The following PLA2R1 variants were observed in gnomAD, a reference collection of about 807,000 sequenced individuals.
PLA2R1 encodes secretory phospholipase A2 receptor.
A neutral mutation model predicts 195.9 loss-of-function variants in PLA2R1; 158 were observed. That is an observed-to-expected ratio of 0.81 (90% CI 0.71 to 0.92). The LOEUF (loss-of-function observed/expected upper bound fraction) is 0.92, where lower values mean the gene tolerates loss of function less well. Ranked by LOEUF, PLA2R1 falls within the 40% of genes least tolerant of loss-of-function variation. PLA2R1 has a pLI of 0.00. For synonymous variants in PLA2R1, 586 were observed against 598.2 expected (o/e 0.98, Z 0.30); for missense variants, 1,626 against 1,764.6 (o/e 0.92, Z 1.41).
At chr2:159,999,110 C>T (rs1691421618) in intron 11 of PLA2R1, among the ~76,000 whole-genome samples, 2 of 152,206 alleles carry the variant, frequency 1.3e-5, no homozygotes, top group East Asian at 1.9e-4. Context: ...TGCCTTTCCA[C>T]CATGTGAGGG....
the PLA2R1 span, among the ~76,000 whole-genome samples, chr2:159,926,652 T>C: frequency 6.6e-6 from 1 of 152,194 alleles, no homozygotes; most frequent in Admixed American, 6.5e-5. Context: ...GTAGGGGCTC[T>C]CCAGGAAATG....
chr2:160,044,747 C>A lies in PLA2R1; in HGVS notation c.493+27G>T, dbSNP rs111778800. On this transcript the variant is annotated intron_variant, in intron 2 of 29. Coordinates refer to ENST00000283243, the MANE Select transcript of PLA2R1 (RefSeq NM_007366.5). ...GCAAACCTTAAAAAAACACCATTCC[C>A]TGAGTGCTTCTTTAAATTATTTTTA... is the stretch of plus-strand genomic sequence containing the variant. 45 of 1,585,668 alleles carry A rather than the reference C, an allele frequency of 2.8e-5. No homozygotes were observed. In the African/African-American group the frequency reaches 4.0e-4, roughly 14 times the overall value.
At chr2:159,945,639 A>T (rs1687341544) in intron 27 of PLA2R1, among the ~76,000 whole-genome samples, 1 of 152,206 alleles carries the variant, frequency 6.6e-6, no homozygotes, top group South Asian at 2.1e-4. Context: ...TGCTATTGTG[A>T]ATAGTGCCGC....
chr2:160,044,763 A>G lies in PLA2R1; in HGVS notation c.493+11T>C. 3.1e-6 allele frequency: 5 copies of G among 1,597,034 alleles called. No homozygotes were observed. Among genetic ancestry groups the G allele is most frequent in the Non-Finnish European group, 4.3e-6 (5 of 1,167,512 alleles). On this transcript the variant is annotated intron_variant, in intron 2 of 29. Transcript: ENST00000283243. ...CACCATTCCCTGAGTGCTTCTTTAA[A>G]TTATTTTTACCTTTGTGTAGATATT...
chr2:159,982,766 A>G (rs1363920431), intron 13 of PLA2R1, among the ~76,000 whole-genome samples: 2 of 152,214 alleles, frequency 1.3e-5, no homozygotes, highest in Non-Finnish European at 2.9e-5. Context: ...TCCTGAAAAA[A>G]TAGTACAGGA....
chr2:159,985,509 T>C (rs529522087), intron 12 of PLA2R1, among the ~76,000 whole-genome samples: 37 of 152,304 alleles, frequency 2.4e-4, no homozygotes, highest in African/African-American at 8.9e-4. Context: ...AATTTAAATG[T>C]AGGATCTAAA....
chr2:160,033,424 G>A (rs943868415), intron 3 of PLA2R1, among the ~76,000 whole-genome samples: 9 of 152,170 alleles, frequency 5.9e-5, no homozygotes, highest in African/African-American at 1.7e-4. Context: ...AAGTAGAAGC[G>A]AAGTATTTGT....
rs1688025197 is a variant in PLA2R1 at position 159,955,468 on chromosome 2, A to G, written c.3154-122T>C. 3 of 624,050 alleles carry G rather than the reference A, an allele frequency of 4.8e-6. No individual in the cohort carries two copies. The South Asian group carries it at 8.4e-5, about 17-fold the overall frequency. 38.7% of individuals were successfully genotyped at this position (624,050 alleles called of 1,614,324 possible). A position where few individuals can be genotyped will look rare whatever the true frequency, so the allele number is the denominator to read the frequency against. ...CATTATTCCTTTATTCGCATTTAAT[A>G]AACTTATTCACAAGTCATTTCATAA... On this transcript the variant is annotated intron_variant, in intron 22 of 29. Coordinates refer to ENST00000283243, the MANE Select transcript of PLA2R1 (RefSeq NM_007366.5).
At position 159,955,255 on chromosome 2, in the gene PLA2R1, C is replaced by T. The variant is rs780413890; in HGVS notation, c.3245G>A (p.Trp1082Ter). Reference protein sequence around the residue: ...SNPNFHFTGKWYFEDCGKEGY... With the variant: ...SNPNFHFTGK Reference sequence around the variant, plus strand: ...TTCCTTTCCACAGTCTTCAAAATACCATTTTCCAGTGAAATGAAAATTAGG... The same window carrying T: ...TTCCTTTCCACAGTCTTCAAAATACTATTTTCCAGTGAAATGAAAATTAGG... The change falls in exon 23 of 30, where the codon TGG (tryptophan) becomes TAG (stop). Residue 1082 changes from tryptophan (W) to a stop codon, truncating the protein, a stop_gained. Coordinates refer to ENST00000283243, the MANE Select transcript of PLA2R1 (RefSeq NM_007366.5). LOFTEE classifies it high-confidence loss of function. The T allele has an allele frequency of 6.2e-7, 1 of 1,610,314 alleles. No homozygotes were observed.
At chr2:160,015,628 C>T (rs971778109) in intron 9 of PLA2R1, among the ~76,000 whole-genome samples, 9 of 152,142 alleles carry the variant, frequency 5.9e-5, no homozygotes, top group Non-Finnish European at 1.2e-4. Flanking sequence ...GCCCCTGCCC[C>T]GTCTTCAATA....
chr2:160,019,958 T>C, intron 8 of PLA2R1, 148 bp downstream of exon 8: 1 of 555,016 alleles, frequency 1.8e-6, no homozygotes, highest in Non-Finnish European at 3.2e-6. Context: ...GTTTTTTCTG[T>C]GTGTACTTGT....
chr2:159,947,206 C>A (rs1178577948), intron 26 of PLA2R1, among the ~76,000 whole-genome samples: 1 of 152,198 alleles, frequency 6.6e-6, no homozygotes, highest in Non-Finnish European at 1.5e-5. Flanking sequence ...GCTGAGACAT[C>A]ATCTTAGGTT....
At chr2:160,042,314 C>T in intron 2 of PLA2R1, 116 bp from the exon 3 acceptor site, 1 of 787,028 alleles carries the variant, frequency 1.3e-6, no homozygotes, top group South Asian at 1.8e-5. Context: ...CAGATACTCA[C>T]TACAGCAGAG....
intron 1 of PLA2R1, among the ~76,000 whole-genome samples, chr2:160,057,072 G>A (rs1375946884): frequency 1.3e-5 from 2 of 152,102 alleles, no homozygotes; most frequent in African/African-American, 4.8e-5. Flanking sequence ...CGACTTGAGG[G>A]CAGAGCACAG....
rs964300093 is a variant in PLA2R1 at position 159,938,123 on chromosome 2, A to G, written c.*3655T>C. 2.6e-5 allele frequency: 4 copies of G among 152,238 alleles called. No homozygotes were observed. The highest frequency in any genetic ancestry group is 4.8e-5 in the African/African-American group (2 of 41,460). 9.4% of individuals were successfully genotyped at this position (152,238 alleles called of 1,614,324 possible). ...AAATACCCATGCTCCTGTATTCCTTAGGCATGTGTCCCCAGTTTGAGGACT... is the reference window on the plus strand; with the variant it reads ...AAATACCCATGCTCCTGTATTCCTTGGGCATGTGTCCCCAGTTTGAGGACT... On this transcript the variant is annotated 3_prime_UTR_variant, in exon 30 of 30. Coordinates refer to ENST00000283243, the MANE Select transcript of PLA2R1 (RefSeq NM_007366.5).
At chr2:160,040,482 G>C (rs765247650) in intron 3 of PLA2R1, among the ~76,000 whole-genome samples, 2 of 152,164 alleles carry the variant, frequency 1.3e-5, no homozygotes, top group African/African-American at 4.8e-5. Context: ...ATTATTGCTT[G>C]ATGATGAATT....
At chr2:159,974,717 T>C (rs1003422510) in intron 17 of PLA2R1, among the ~76,000 whole-genome samples, 1 of 150,436 alleles carries the variant, frequency 6.6e-6, no homozygotes, top group African/African-American at 2.5e-5. Flanking sequence ...TGGGGAAAAT[T>C]CCACATCTAG....
intron 1 of PLA2R1, among the ~76,000 whole-genome samples, chr2:160,046,851 C>T (rs7590587): frequency 0.1 from 15,656 of 152,182 alleles, 1,179 homozygotes; most frequent in Admixed American, 0.27. Flanking sequence ...ATCCACCTCT[C>T]GTCAATGTGA....
At chr2:160,035,559 T>A (rs1327441904) in intron 3 of PLA2R1, among the ~76,000 whole-genome samples, 1 of 152,222 alleles carries the variant, frequency 6.6e-6, no homozygotes, top group African/African-American at 2.4e-5. Flanking sequence ...ATTGTTATAT[T>A]CTTTACATCT....
Sources: allele counts gnomAD v4.1 joint callset (sites outside exome capture counted in the v4.1 genomes callset), GRCh38; gene constraint gnomAD v4.1.1; transcripts MANE v1.5; gene names NCBI Gene and HGNC (gene_info 2026-07-23, HGNC 2026-07-21).